KIAA1217: variants seen among roughly 807,000 people sequenced by gnomAD.
The protein encoded by KIAA1217 is KIAA1217, also known as sickle tail protein homolog.
KIAA1217 carries 88 observed loss-of-function variants against 163.9 expected under a neutral mutation model. The ratio of observed to expected loss-of-function variants is 0.54; its 90% CI spans 0.45 to 0.64. The LOEUF (loss-of-function observed/expected upper bound fraction) is 0.64. Among genes scored for constraint, KIAA1217 ranks in the 30% least tolerant of loss-of-function variants. KIAA1217 has a pLI of 0.00. For missense variants in KIAA1217, 2,372 were observed against 2,475.0 expected (o/e 0.96, Z 0.88); for synonymous variants, 903 against 923.1 (o/e 0.98, Z 0.39).
intron 2 of KIAA1217, among the ~76,000 whole-genome samples, chr10:24,026,742 A>ATTTTTTTTTTTTTTTTTTTTTTTTG: frequency 1.4e-5 from 1 of 70,096 alleles, no homozygotes; most frequent in African/African-American, 5.9e-5. Flanking sequence ...TATTTCATTG[A>ATTTTTTTTTTTTTTTTTTTTTTTTG]TTTTTTTTTT....
chr10:24,154,249 G>A (rs932464457), intron 2 of KIAA1217, among the ~76,000 whole-genome samples: 8 of 151,738 alleles, frequency 5.3e-5, no homozygotes, highest in South Asian at 2.1e-4. Flanking sequence ...GAGCCACCCC[G>A]CCCGGCCAAA....
chr10:23,920,086 C>A (rs1842799165), intron 1 of KIAA1217, among the ~76,000 whole-genome samples: 1 of 152,214 alleles, frequency 6.6e-6, no homozygotes, highest in Non-Finnish European at 1.5e-5. Flanking sequence ...TTGCTCCACA[C>A]CCAGCTACTC....
At chr10:24,111,649 C>G (rs999330096) in intron 2 of KIAA1217, among the ~76,000 whole-genome samples, 3 of 152,116 alleles carry the variant, frequency 2.0e-5, no homozygotes, top group African/African-American at 7.2e-5. Flanking sequence ...TGCATAAACG[C>G]TTGTCCGTTG....
chr10:24,023,506 G>A (rs1847819577), intron 2 of KIAA1217, among the ~76,000 whole-genome samples: 1 of 151,564 alleles, frequency 6.6e-6, no homozygotes, highest in African/African-American at 2.4e-5. Context: ...CAAAAGCTGT[G>A]TACTGGAAAT....
chr10:24,158,442 T>C, intron 2 of KIAA1217: 1 of 564,048 alleles, frequency 1.8e-6, no homozygotes, highest in Non-Finnish European at 3.5e-6. Context: ...ACATGATGTC[T>C]AACACAGGAA....
intron 2 of KIAA1217, among the ~76,000 whole-genome samples, chr10:24,081,727 A>G (rs1038879430): frequency 1.3e-5 from 2 of 152,326 alleles, no homozygotes; most frequent in Admixed American, 1.3e-4. Flanking sequence ...AGAAAAAAAG[A>G]ATCTCATAAT....
intron 1 of KIAA1217, among the ~76,000 whole-genome samples, chr10:23,861,909 A>G (rs749550824): frequency 6.6e-6 from 1 of 152,230 alleles, no homozygotes; most frequent in African/African-American, 2.4e-5. Flanking sequence ...TGACCTACAG[A>G]ACTATGAGAT....
At chr10:23,697,939 A>G (rs943485081) in intron 1 of KIAA1217, among the ~76,000 whole-genome samples, 1 of 152,032 alleles carries the variant, frequency 6.6e-6, no homozygotes, top group Admixed American at 6.6e-5. Context: ...AGTGTTTATC[A>G]ATGATAATTA....
intron 4 of KIAA1217, among the ~76,000 whole-genome samples, chr10:24,437,843 GTTTTT>G (rs200060214): frequency 1.1e-5 from 1 of 88,190 alleles, no homozygotes; most frequent in South Asian, 3.5e-4. Flanking sequence ...TTTTGGTACT[GTTTTT>G]TTTTTTTTTT....
intron 6 of KIAA1217, among the ~76,000 whole-genome samples, chr10:24,479,405 G>A (rs1424400507): frequency 6.6e-6 from 1 of 152,180 alleles, no homozygotes; most frequent in Non-Finnish European, 1.5e-5. Context: ...AGGACAGTCA[G>A]TTTGAATGAT....
At chr10:23,946,470 C>T (rs534868597) in intron 1 of KIAA1217, among the ~76,000 whole-genome samples, 12 of 152,064 alleles carry the variant, frequency 7.9e-5, no homozygotes, top group African/African-American at 2.4e-4. Flanking sequence ...TTATATTTTA[C>T]CCATATACAC....
At chr10:24,226,096 G>C (rs1260969213) in intron 2 of KIAA1217, among the ~76,000 whole-genome samples, 2 of 151,962 alleles carry the variant, frequency 1.3e-5, no homozygotes, top group Non-Finnish European at 2.9e-5. Flanking sequence ...TTTCCCCTAA[G>C]TTAAGAAGTC....
chr10:24,086,416 G>T (rs942472163), intron 2 of KIAA1217, among the ~76,000 whole-genome samples: 1 of 152,218 alleles, frequency 6.6e-6, no homozygotes, highest in Non-Finnish European at 1.5e-5. Flanking sequence ...GTGAATGATT[G>T]TTGGCCTGAT....
chr10:24,038,064 A>G (rs1848472779), intron 2 of KIAA1217, among the ~76,000 whole-genome samples: 1 of 152,192 alleles, frequency 6.6e-6, no homozygotes, highest in African/African-American at 2.4e-5. Context: ...TTATTTTTGT[A>G]AGGGTTTTTT....
At chr10:24,007,052 A>G (rs1847032236) in intron 1 of KIAA1217, among the ~76,000 whole-genome samples, 2 of 152,152 alleles carry the variant, frequency 1.3e-5, no homozygotes, top group Admixed American at 6.5e-5. Context: ...CTAACTTTGG[A>G]TAACTATAAA....
At chr10:24,138,660 C>A (rs559959650) in intron 2 of KIAA1217, among the ~76,000 whole-genome samples, 46 of 131,012 alleles carry the variant, frequency 3.5e-4, no homozygotes, top group East Asian at 2.1e-3. Context: ...AAAAAAAAAA[C>A]CACTCCAATG....
At chr10:23,939,169 A>C (rs1432591855) in intron 1 of KIAA1217, among the ~76,000 whole-genome samples, 2 of 152,220 alleles carry the variant, frequency 1.3e-5, no homozygotes, top group Non-Finnish European at 2.9e-5. Context: ...ATCCAAAAGA[A>C]GTCAGAAAGT....
chr10:23,702,721 T>C (rs1836551823), intron 1 of KIAA1217, among the ~76,000 whole-genome samples: 1 of 151,274 alleles, frequency 6.6e-6, no homozygotes, highest in Admixed American at 6.6e-5. Context: ...ATATATTGTA[T>C]TTTGTTGTGT....
chr10:23,924,520 T>G (rs1842954611), intron 1 of KIAA1217, among the ~76,000 whole-genome samples: 1 of 152,116 alleles, frequency 6.6e-6, no homozygotes, highest in Admixed American at 6.5e-5. Flanking sequence ...CTGAGTTATT[T>G]TAGAAGTAGT....
Sources: gnomAD v4.1 joint callset for allele counts (sites outside exome capture counted in the v4.1 genomes callset) on GRCh38, gnomAD v4.1.1 for gene constraint, MANE v1.5 for transcripts, NCBI Gene and HGNC (gene_info 2026-07-23, HGNC 2026-07-21) for gene names.